The following PHYH variants were observed in gnomAD, a reference collection of about 807,000 sequenced individuals.
The protein encoded by PHYH is phytanoyl-CoA 2-hydroxylase, also known as phytanoyl-CoA dioxygenase, peroxisomal.
In PHYH, 32 loss-of-function variants were observed where a neutral mutation model predicts 38.5. The ratio of observed to expected loss-of-function variants is 0.83; its 90% CI spans 0.63 to 1.12. The LOEUF is 1.12. Ranked by LOEUF, PHYH falls within the 50% of genes most tolerant of loss-of-function variation. The pLI is 0.00. For missense variants in PHYH, 426 were observed against 434.8 expected (o/e 0.98, Z 0.18); for synonymous variants, 166 against 157.9 (o/e 1.05, Z -0.38).
intron 8 of PHYH, among the ~76,000 whole-genome samples, chr10:13,279,379 G>C (rs549644714): frequency 6.2e-4 from 95 of 152,262 alleles, no homozygotes; most frequent in African/African-American, 1.7e-3. Flanking sequence ...TGGTATCAAG[G>C]ATTACTGCTT....
intron 6 of PHYH, among the ~76,000 whole-genome samples, chr10:13,285,573 G>A (rs998292751): frequency 2.0e-5 from 3 of 150,382 alleles, no homozygotes; most frequent in East Asian, 2.0e-4. Context: ...CTTTCCATTC[G>A]CAGCATCATG....
intron 8 of PHYH, among the ~76,000 whole-genome samples, chr10:13,278,631 C>T (rs556863514): frequency 1.2e-4 from 18 of 151,888 alleles, no homozygotes; most frequent in African/African-American, 2.4e-4. Context: ...CGGGTTCAAG[C>T]GACTCTCCTG....
intron 1 of PHYH, among the ~76,000 whole-genome samples, chr10:13,298,466 C>T (rs1050633785): frequency 6.6e-6 from 1 of 151,688 alleles, no homozygotes; most frequent in Non-Finnish European, 1.5e-5. Context: ...TTTGGGAGGC[C>T]GAGGCGGATG....
intron 5 of PHYH, 112 bp from the exon 6 acceptor site, chr10:13,288,653 C>T: frequency 1.9e-6 from 2 of 1,040,928 alleles, no homozygotes; most frequent in Non-Finnish European, 1.5e-6. Context: ...GAGGCTGAGG[C>T]AGATGGATGG....
intron 7 of PHYH, among the ~76,000 whole-genome samples, chr10:13,281,860 T>C (rs1319277536): frequency 1.3e-5 from 2 of 152,232 alleles, no homozygotes; most frequent in Non-Finnish European, 2.9e-5. Context: ...CCTGGTGCCA[T>C]ACGGCACTGT....
chr10:13,291,781 C>A (rs1473974963), intron 5 of PHYH, 50 bp downstream of exon 5: 1 of 1,264,940 alleles, frequency 7.9e-7, no homozygotes, highest in South Asian at 1.2e-5. Flanking sequence ...ACCCAGCCAA[C>A]CTTACACATT....
rs1452889366 is a variant in PHYH at position 13,294,451 on chromosome 10, A to C, written c.391T>G (p.Phe131Val). The C allele has an allele frequency of 1.4e-5, 23 of 1,613,882 alleles. No homozygotes were observed. The Admixed American group carries it at 3.7e-4, about 26-fold the overall frequency. ...VQDFQEDKELFRYCTLPEILK... is the reference protein window; with the variant it reads ...VQDFQEDKELVRYCTLPEILK... ...ACCTCGGGGAGAGTGCAGTATCTGA[A>C]GAGCTCCTTATCTTCCTGGAAATCC... The change falls in exon 4 of 9, where the codon TTC (phenylalanine) becomes GTC (valine). Residue 131 changes from phenylalanine to valine, a missense_variant. By Grantham distance (50) the Phe-to-Val change is conservative. Coordinates refer to ENST00000263038, the MANE Select transcript of PHYH (RefSeq NM_006214.4).
At chr10:13,298,755 A>ACTACTACTG (rs1164753602) in intron 1 of PHYH, among the ~76,000 whole-genome samples, 1 of 100,646 alleles carries the variant, frequency 9.9e-6, no homozygotes, top group African/African-American at 3.2e-5. Flanking sequence ...TACTACTACT[A>ACTACTACTG]CTACTACTGC....
chr10:13,283,335 T>A (rs1383334649), intron 7 of PHYH, among the ~76,000 whole-genome samples: 1 of 151,782 alleles, frequency 6.6e-6, no homozygotes, highest in Non-Finnish European at 1.5e-5. Context: ...TTCACTGTGT[T>A]AGCCAGGATA....
intron 6 of PHYH, among the ~76,000 whole-genome samples, chr10:13,285,606 C>CTTTTTTT (rs36040564): frequency 7.8e-6 from 1 of 127,540 alleles, no homozygotes; most frequent in Non-Finnish European, 1.7e-5. Flanking sequence ...CTTTTCTTTT[C>CTTTTTTT]TTTTTTTTTT....
Position 13,298,152 on chromosome 10 carries a change from TA to T in PHYH, c.134+34del. On this transcript the variant is annotated intron_variant, in intron 2 of 8. Coordinates refer to ENST00000263038, the MANE Select transcript of PHYH (RefSeq NM_006214.4). ...ACCACTCAAGAAACTTTTATATACA[TA>T]ATATATTTCAAAATCAAAACTCAAA... 10 of 1,347,520 alleles carry T rather than the reference TA, an allele frequency of 7.4e-6. No individual in the cohort carries two copies. The South Asian group carries it at 1.2e-4, about 16-fold the overall frequency. The allele number at this position is 1,347,520 out of a possible 1,614,324, so 83.5% of individuals were successfully genotyped here.
Position 13,283,785 on chromosome 10 carries a change from G to A in PHYH, c.733C>T (p.Arg245Trp), listed in dbSNP as rs753737115. The change falls in exon 7 of 9, where the codon CGG becomes TGG. Residue 245 changes from arginine to tryptophan, a missense_variant. Arg to Trp is a moderately radical substitution (Grantham distance 101). Coordinates refer to ENST00000263038, the MANE Select transcript of PHYH (RefSeq NM_006214.4). ...CCCTTCTCCATCACCAGGTGCACCC[G>A]GGCCTTGTTTTCCTCGTAGTCCTGG... is the stretch of plus-strand genomic sequence containing the variant. The part of the protein sequence containing the change: ...GIQDYEENKA[R>W]VHLVMEKGDT... The A allele has an allele frequency of 1.1e-5, 17 of 1,613,684 alleles. No individual in the cohort carries two copies. The highest frequency in any genetic ancestry group is 1.6e-4 in the Middle Eastern group (1 of 6,084).
rs775822544 is a variant in PHYH, at chr10:13,294,442, A to G, written c.400T>C (p.Cys134Arg). 8 of 1,614,120 alleles carry G rather than the reference A, an allele frequency of 5.0e-6. No individual in the cohort carries two copies. The highest frequency in any genetic ancestry group is 3.3e-4 in the Middle Eastern group (2 of 6,048). The stretch of plus-strand genomic sequence containing the variant: ...TGGTCTCTGACCTCGGGGAGAGTGC[A>G]GTATCTGAAGAGCTCCTTATCTTCC... The part of the protein sequence containing the change: ...FQEDKELFRY[C>R]TLPEILKYVE... Residue 134 changes from cysteine (C) to arginine (R), a missense_variant, in exon 4 of 9, where the codon TGC becomes CGC. Physicochemically the swap from Cys to Arg is radical, Grantham distance 180 (BLOSUM62 -3). Coordinates refer to ENST00000263038, the MANE Select transcript of PHYH (RefSeq NM_006214.4).
chr10:13,298,294 C>A (rs759895964), intron 1 of PHYH, 49 bp from the exon 2 acceptor site: 6 of 1,139,068 alleles, frequency 5.3e-6, no homozygotes, highest in Non-Finnish European at 8.0e-6. Context: ...AGGCCAGGCA[C>A]GGTGGCTCAT....
intron 6 of PHYH, among the ~76,000 whole-genome samples, chr10:13,286,441 C>T (rs771061818): frequency 5.3e-5 from 8 of 152,018 alleles, no homozygotes; most frequent in Non-Finnish European, 7.4e-5. Flanking sequence ...GTTGGCCAGG[C>T]GCGGTGAGCC....
chr10:13,298,922 AAAT>A (rs61660763), intron 1 of PHYH, among the ~76,000 whole-genome samples: 9,634 of 57,566 alleles, frequency 0.17, 416 homozygotes, highest in Middle Eastern at 0.3. Context: ...TCCGTCTCAA[AAAT>A]AATAATAATA....
At position 13,278,679 on chromosome 10, in the gene PHYH, C is replaced by T. The variant is rs144108776; in HGVS notation, c.964-325G>A. On this transcript the variant is annotated intron_variant, in intron 8 of 8. Transcript: ENST00000263038. Reference sequence around the variant, plus strand: ...GAGTAGCTGGGATTACAGGTGTGCACCACCACGCCCAGCTAACTTTTTGTA... The same window carrying T: ...GAGTAGCTGGGATTACAGGTGTGCATCACCACGCCCAGCTAACTTTTTGTA... 3.8e-3 allele frequency among the ~76,000 whole-genome samples: 572 copies of T among 152,006 alleles called. 2 individuals carry two copies. The highest frequency in any genetic ancestry group is 7.0e-3 in the Non-Finnish European group (474 of 67,980).
chr10:13,284,631 A>G (rs1835501049), intron 6 of PHYH, among the ~76,000 whole-genome samples: 1 of 152,178 alleles, frequency 6.6e-6, no homozygotes, highest in South Asian at 2.1e-4. Context: ...GAAAATGCTC[A>G]ATTTTTCTGA....
Position 13,286,792 on chromosome 10 carries a change from C to T in PHYH, c.678+1568G>A, listed in dbSNP as rs560864351. 3.2e-4 allele frequency among the ~76,000 whole-genome samples: 48 copies of T among 151,356 alleles called. 1 individual carries two copies. Among genetic ancestry groups the T allele is most frequent in the African/African-American group, 2.2e-4 (9 of 41,152 alleles). On this transcript the variant is annotated intron_variant, in intron 6 of 8. Transcript: ENST00000263038. ...CTACACTGAGTGAAGGAAGCCAGAA[C>T]GGGACAAAAAAATCTATACTATGTG...
Sources: gnomAD v4.1 joint callset for allele counts (sites outside exome capture counted in the v4.1 genomes callset) on GRCh38, gnomAD v4.1.1 for gene constraint, MANE v1.5 for transcripts, NCBI Gene and HGNC (gene_info 2026-07-23, HGNC 2026-07-21) for gene names.